ZNF827: variants seen among roughly 807,000 people sequenced by gnomAD.
The protein encoded by ZNF827 is zinc finger protein 827.
ZNF827 carries 13 observed loss-of-function variants against 102.4 expected under a neutral mutation model. The ratio of observed to expected loss-of-function variants is 0.13; its 90% CI spans 0.08 to 0.20. The LOEUF (loss-of-function observed/expected upper bound fraction) is 0.20, where lower values mean the gene tolerates loss of function less well. Among genes scored for constraint, ZNF827 ranks in the 10% least tolerant of loss-of-function variants. The pLI is 1.00. For synonymous variants in ZNF827, 523 were observed against 536.2 expected (o/e 0.98, Z 0.34); for missense variants, 1,103 against 1,344.4 (o/e 0.82, Z 2.81).
Position 145,902,478 on chromosome 4 carries a change from T to C in ZNF827, c.781A>G (p.Ser261Gly), listed in dbSNP as rs1440422394. The change falls in exon 2 of 15, where the codon AGT becomes GGT. Residue 261 changes from serine (S) to glycine (G), a missense_variant. By Grantham distance (56) the Ser-to-Gly change is moderately conservative (BLOSUM62 0). Around this residue, in one of 5 missense-constraint regions of ZNF827, gnomAD observed 441 missense variants for 458.6 expected, o/e 0.96. Transcript: ENST00000508784. The surrounding 1 kb of genome is among the most constrained non-coding windows in gnomAD (Gnocchi z 4.3). The part of the protein sequence containing the change: ...STLAALSKKV[S>G]ERSLTPGQEH... ...TGACCAGGAGTCAAACTTCTTTCAC[T>C]GACCTTCTTGGACAAAGCGGCCAAG... 1 of 1,614,044 alleles carries C rather than the reference T, an allele frequency of 6.2e-7. No individual in the cohort carries two copies. The highest frequency in any genetic ancestry group is 2.2e-5 in the East Asian group (1 of 44,892).
At chr4:145,786,240 TG>T (rs1217337215) in intron 8 of ZNF827, among the ~76,000 whole-genome samples, 2 of 152,364 alleles carry the variant, frequency 1.3e-5, no homozygotes, top group East Asian at 3.9e-4. Flanking sequence ...TGTTTGGCTT[TG>T]TGGGCACATT....
chr4:145,918,332 CAAAAAAAAAAAA>C (rs34428145), intron 1 of ZNF827, among the ~76,000 whole-genome samples: 3 of 22,128 alleles, frequency 1.4e-4, no homozygotes, highest in Non-Finnish European at 2.1e-4. Flanking sequence ...TAGCTCAAGG[CAAAAAAAAAAAA>C]AAAAAAAAAA....
intron 7 of ZNF827, among the ~76,000 whole-genome samples, chr4:145,841,257 T>C (rs1380503247): frequency 1.3e-5 from 2 of 152,200 alleles, no homozygotes; most frequent in African/African-American, 4.8e-5. Flanking sequence ...TGATTCTTAC[T>C]CTAGGGTTCC....
At chr4:145,930,706 T>C (rs552733447) in intron 1 of ZNF827, among the ~76,000 whole-genome samples, 2 of 152,238 alleles carry the variant, frequency 1.3e-5, no homozygotes, top group African/African-American at 4.8e-5. Context: ...CTGAATTTGC[T>C]GCATTTAGTA....
intron 2 of ZNF827, among the ~76,000 whole-genome samples, chr4:145,901,195 C>G (rs182443279): frequency 6.6e-6 from 1 of 152,316 alleles, no homozygotes; most frequent in East Asian, 1.9e-4. Context: ...GTTGGCTAGA[C>G]ACACACGATG....
Position 145,903,027 on chromosome 4 carries a change from T to G in ZNF827, c.232A>C (p.Ser78Arg). ...AGTGCCACCAGCTCCAACGTGTGGC[T>G]GCTGGGAGTCGTGCTTCCCAAGGAG... ...DTSLGSTTPS[S>R]HTLELVALDS... is the part of the protein sequence containing the mutation. The change falls in exon 2 of 15, where the codon AGC becomes CGC. Residue 78 changes from serine (S) to arginine (R), a missense_variant. Ser to Arg is a moderately radical substitution (Grantham distance 110). This residue lies in a region of ZNF827 where 441 missense variants were observed against 458.6 expected (regional missense o/e 0.96). Coordinates refer to ENST00000508784, the MANE Select transcript of ZNF827 (RefSeq NM_001306215.2). 6.2e-7 allele frequency: 1 copy of G among 1,614,190 alleles called. No individual in the cohort carries two copies. The highest frequency in any genetic ancestry group is 8.5e-7 in the Non-Finnish European group (1 of 1,180,036).
chr4:145,767,927 A>T (rs1425125283), intron 11 of ZNF827, among the ~76,000 whole-genome samples: 1 of 152,254 alleles, frequency 6.6e-6, no homozygotes, highest in African/African-American at 2.4e-5. Context: ...GAGGCTGGAA[A>T]TAATAAATAC....
At chr4:145,843,741 A>G (rs993067306) in intron 7 of ZNF827, among the ~76,000 whole-genome samples, 3 of 152,208 alleles carry the variant, frequency 2.0e-5, no homozygotes, top group African/African-American at 7.2e-5. Context: ...CCTGATAACT[A>G]TAAGTGAGAA....
At chr4:145,822,953 T>C (rs1743292621) in intron 8 of ZNF827, among the ~76,000 whole-genome samples, 1 of 152,194 alleles carries the variant, frequency 6.6e-6, no homozygotes, top group Non-Finnish European at 1.5e-5. Flanking sequence ...AGACAAAATC[T>C]GGGTGGCAAG....
chr4:145,818,907 T>C (rs933859285), intron 8 of ZNF827, among the ~76,000 whole-genome samples: 3 of 152,010 alleles, frequency 2.0e-5, no homozygotes, highest in Non-Finnish European at 4.4e-5. Context: ...GAAGGGAAAA[T>C]GGATCAAGAA....
chr4:145,868,107 T>C (rs1337033626), intron 5 of ZNF827, among the ~76,000 whole-genome samples: 1 of 152,244 alleles, frequency 6.6e-6, no homozygotes, highest in Non-Finnish European at 1.5e-5. Context: ...CTTCTTTACC[T>C]TGTGGCTTAG....
At position 145,758,285 on chromosome 4, in the gene ZNF827, T is replaced by C. The variant is rs1734110335; in HGVS notation, c.*3331A>G. On this transcript the variant is annotated 3_prime_UTR_variant, in exon 15 of 15. Transcript: ENST00000508784. Reference sequence around the variant, plus strand: ...ACAAGTTCAGTGGCAAGCAGTGAAATGCATGGCATTTGAGCAGTAAACGTC... The same window carrying C: ...ACAAGTTCAGTGGCAAGCAGTGAAACGCATGGCATTTGAGCAGTAAACGTC... The C allele has an allele frequency of 6.6e-6, 1 of 152,226 alleles. No homozygotes were observed. The highest frequency in any genetic ancestry group is 2.1e-4 in the South Asian group (1 of 4,830). 9.4% of individuals were successfully genotyped at this position (152,226 alleles called of 1,614,324 possible).
Position 145,870,430 on chromosome 4 carries a change from T to C in ZNF827, c.1796A>G (p.Glu599Gly). Residue 599 changes from glutamate to glycine, a missense_variant, in exon 5 of 15, where the codon GAG becomes GGG. Glu to Gly is a moderately conservative substitution (Grantham distance 98). Transcript: ENST00000508784. ...PMNLNFKVKE[E>G]PKEGESLSTT... ...GCTTAGGGACTCCCCTTCCTTAGGC[T>C]CCTCTTTCACTTTAAAATTAAGATT... 6.2e-7 allele frequency: 1 copy of C among 1,614,106 alleles called. No homozygotes were observed. The highest frequency in any genetic ancestry group is 8.5e-7 in the Non-Finnish European group (1 of 1,179,998).
At chr4:145,861,735 G>A (rs115207906) in intron 5 of ZNF827, among the ~76,000 whole-genome samples, 129 of 152,134 alleles carry the variant, frequency 8.5e-4, no homozygotes, top group African/African-American at 2.9e-3. Flanking sequence ...TCCCTGCTGC[G>A]TCCAGACCCC....
intron 4 of ZNF827, among the ~76,000 whole-genome samples, chr4:145,874,198 T>G (rs73854939): frequency 6.6e-6 from 1 of 152,268 alleles, no homozygotes; most frequent in South Asian, 2.1e-4. Context: ...CTGGATTTAA[T>G]AGAACTTCAA....
At position 145,858,096 on chromosome 4, in the gene ZNF827, C is replaced by T. The variant is rs1747334736; in HGVS notation, c.1982-8535G>A. Among the ~76,000 whole-genome samples the T allele has an allele frequency of 1.3e-5, 2 of 151,260 alleles. 1 individual carries two copies. On this transcript the variant is annotated intron_variant, in intron 5 of 14. Transcript: ENST00000508784. ...TGTGAATAATAGGCCTTTATATATC[C>T]TTCCATGAACCAGAGTGCTGATGTG... is the stretch of plus-strand genomic sequence containing the variant.
chr4:145,879,017 A>G (rs1333654591), intron 4 of ZNF827, among the ~76,000 whole-genome samples: 2 of 152,164 alleles, frequency 1.3e-5, no homozygotes, highest in Non-Finnish European at 2.9e-5. Flanking sequence ...ATTTAACTAG[A>G]TTAGTGACTG....
At chr4:145,780,599 G>GT (rs1460878252) in intron 8 of ZNF827, among the ~76,000 whole-genome samples, 1 of 152,048 alleles carries the variant, frequency 6.6e-6, no homozygotes, top group Non-Finnish European at 1.5e-5. Flanking sequence ...TCTAATCCAT[G>GT]TTTCTTTTTG....
chr4:145,790,004 T>A (rs953036830), intron 8 of ZNF827, among the ~76,000 whole-genome samples: 1 of 152,222 alleles, frequency 6.6e-6, no homozygotes, highest in African/African-American at 2.4e-5. Flanking sequence ...GCACCAATTA[T>A]GTAAATTTTA....
Sources: allele counts gnomAD v4.1 joint callset (sites outside exome capture counted in the v4.1 genomes callset), GRCh38; gene constraint gnomAD v4.1.1; regional missense constraint gnomAD v4.1.1; non-coding constraint Gnocchi (gnomAD v3.1); transcripts MANE v1.5; gene names NCBI Gene and HGNC (gene_info 2026-07-23, HGNC 2026-07-21).